Variants in PRRC2C observed in about 807,000 individuals in gnomAD.
The protein encoded by PRRC2C is proline rich coiled-coil 2C, also known as protein PRRC2C.
Under a neutral mutation model 317.2 loss-of-function variants are expected in PRRC2C, and 72 were observed. The ratio of observed to expected loss-of-function variants is 0.23; its 90% CI spans 0.19 to 0.28. The LOEUF (loss-of-function observed/expected upper bound fraction) is 0.28. Ranked by LOEUF, PRRC2C falls within the 10% of genes least tolerant of loss-of-function variation. The probability of loss-of-function intolerance (pLI) is 1.00; values close to 1 mark genes in which losing one functional copy is unlikely to be tolerated. For synonymous variants in PRRC2C, 1,296 were observed against 1,205.9 expected, an observed-to-expected ratio of 1.07 and a Z score of -1.55; for missense variants, 3,074 against 3,459.7, an observed-to-expected ratio of 0.89 and a Z score of 2.80.
chr1:171,571,931 A>AT (rs1213817815), intron 24 of PRRC2C, among the ~76,000 whole-genome samples: 4 of 151,756 alleles, frequency 2.6e-5, no homozygotes, highest in Admixed American at 1.3e-4. Context: ...TTTTCAGTTG[A>AT]TTTTTTTTGG....
rs1232181461 is a variant in PRRC2C at position 171,545,627 on chromosome 1, C to T, written c.4912C>T (p.Pro1638Ser). ...GKKREDPKPGPKKPKEKVDAL... is the reference protein window; with the variant it reads ...GKKREDPKPGSKKPKEKVDAL... Reference sequence around the variant, plus strand: ...AAAAAGAGAAGACCCCAAACCAGGCCCTAAAAAACCAAAAGAGAAAGTGGA... The same window carrying T: ...AAAAAGAGAAGACCCCAAACCAGGCTCTAAAAAACCAAAAGAGAAAGTGGA... The change falls in exon 17 of 35, where the codon CCT becomes TCT. Residue 1638 changes from proline to serine, a missense_variant. Physicochemically the swap from Pro to Ser is moderately conservative, Grantham distance 74 (BLOSUM62 -1). Transcript: ENST00000647382. The T allele has an allele frequency of 1.2e-6, 2 of 1,612,772 alleles. No homozygotes were observed. The highest frequency in any genetic ancestry group is 8.5e-7 in the Non-Finnish European group (1 of 1,179,470).
At chr1:171,545,709 T>TTGTA (rs1553230011) in intron 17 of PRRC2C, 22 bp downstream of exon 17, 7 of 804,904 alleles carry the variant, frequency 8.7e-6, no homozygotes, top group Non-Finnish European at 1.2e-5. Context: ...GTTTCTTTCA[T>TTGTA]TTTATTTATT....
At chr1:171,515,353 G>A (rs1672169347) in intron 4 of PRRC2C, among the ~76,000 whole-genome samples, 1 of 152,118 alleles carries the variant, frequency 6.6e-6, no homozygotes, top group African/African-American at 2.4e-5. Flanking sequence ...TTGATCTTGG[G>A]GTCTTTATTC....
intron 12 of PRRC2C, among the ~76,000 whole-genome samples, chr1:171,534,361 G>C (rs1310138595): frequency 1.3e-5 from 2 of 152,078 alleles, no homozygotes; most frequent in Non-Finnish European, 2.9e-5. Flanking sequence ...CATTATCATA[G>C]TTTAATAAGT....
At position 171,532,553 on chromosome 1, in the gene PRRC2C, C is replaced by A. The variant is rs771141668; in HGVS notation, c.1465C>A (p.Arg489=). 4.4e-6 allele frequency: 7 copies of A among 1,584,918 alleles called. No homozygotes were observed. The African/African-American group carries it at 9.4e-5, about 21-fold the overall frequency. The change falls in exon 12 of 35, where the codon CGA becomes AGA. Residue 489 remains arginine (R), a synonymous_variant. Coordinates refer to ENST00000647382, the MANE Select transcript of PRRC2C (RefSeq NM_001387844.1). ...GGCAGCTTGTGCGGAGAAACTGAAA[C>A]GATTGGATGAGAAGCTTGGCATCCT... The part of the protein sequence containing the change: ...RKAACAEKLK[R]LDEKLGILEK...
At chr1:171,517,307 T>C (rs960610342) in intron 5 of PRRC2C, among the ~76,000 whole-genome samples, 9 of 152,166 alleles carry the variant, frequency 5.9e-5, no homozygotes, top group Admixed American at 2.0e-4. Flanking sequence ...AACAGTGATT[T>C]TAATTTCTAT....
chr1:171,558,375 G>GT (rs929241446), intron 19 of PRRC2C, among the ~76,000 whole-genome samples: 3 of 50,664 alleles, frequency 5.9e-5, no homozygotes, highest in African/African-American at 2.1e-4. Flanking sequence ...AATAGGCAAT[G>GT]TTTGGGGGGG....
At chr1:171,569,396 CACTT>C (rs1684288383) in intron 23 of PRRC2C, among the ~76,000 whole-genome samples, 1 of 150,838 alleles carries the variant, frequency 6.6e-6, no homozygotes, top group Non-Finnish European at 1.5e-5. Flanking sequence ...CATTAGGGGT[CACTT>C]AATCCAATTT....
Position 171,541,538 on chromosome 1 carries a change from G to A in PRRC2C, c.4072G>A (p.Gly1358Arg), listed in dbSNP as rs1232193545. 6.2e-7 allele frequency: 1 copy of A among 1,613,560 alleles called. No homozygotes were observed. Among genetic ancestry groups the A allele is most frequent in the Non-Finnish European group, 8.5e-7 (1 of 1,179,770 alleles). ...ATTCAGGCGTGGTGGAAGGGATCCT[G>A]GAGGCCGTCCATCACGCCCTTCCAC... ...GTFRRGGRDP[G>R]GRPSRPSTLR... The change falls in exon 16 of 35, where the codon GGA (glycine) becomes AGA (arginine). Residue 1358 changes from glycine (G) to arginine (R), a missense_variant. Physicochemically the swap from Gly to Arg is moderately radical, Grantham distance 125. Around this residue, in one of 11 missense-constraint regions of PRRC2C, gnomAD observed 1,320 missense variants for 1,395.7 expected, o/e 0.95. Transcript: ENST00000647382. This position sits in a 1 kb window ranked among gnomAD's most constrained non-coding sequence, Gnocchi z 4.1.
chr1:171,503,990 C>T lies in PRRC2C; in HGVS notation c.-57-8042C>T, dbSNP rs148128659. On this transcript the variant is annotated intron_variant, in intron 1 of 34. Coordinates refer to ENST00000647382, the MANE Select transcript of PRRC2C (RefSeq NM_001387844.1). ...TCCCCATGATTCAGTTACCTTCCACCGAGTCCCTCCCATGACATGTGGGAA... is the reference window on the plus strand; with the variant it reads ...TCCCCATGATTCAGTTACCTTCCACTGAGTCCCTCCCATGACATGTGGGAA... Among the ~76,000 whole-genome samples the T allele has an allele frequency of 2.6e-4, 40 of 152,266 alleles. No homozygotes were observed. The East Asian group carries it at 6.0e-3, about 23-fold the overall frequency.
chr1:171,545,064 A>C (rs1193847637), intron 16 of PRRC2C, among the ~76,000 whole-genome samples: 1 of 152,180 alleles, frequency 6.6e-6, no homozygotes, highest in East Asian at 1.9e-4. Flanking sequence ...CATAGTTGTA[A>C]ATATAGAATG....
At chr1:171,518,390 G>A (rs1176461412) in intron 6 of PRRC2C, among the ~76,000 whole-genome samples, 4 of 149,748 alleles carry the variant, frequency 2.7e-5, no homozygotes, top group Non-Finnish European at 5.9e-5. Flanking sequence ...GACTGCCAAA[G>A]GGGTGGTTCA....
chr1:171,515,715 T>G lies in PRRC2C; in HGVS notation c.401-19T>G. ...CAGTATAAAAGTTACCTTTAATGTTTTTTTAAAAAAATCTATAGGAATCCA... is the reference window on the plus strand; with the variant it reads ...CAGTATAAAAGTTACCTTTAATGTTGTTTTAAAAAAATCTATAGGAATCCA... On this transcript the variant is annotated intron_variant, in intron 4 of 34. Coordinates refer to ENST00000647382, the MANE Select transcript of PRRC2C (RefSeq NM_001387844.1). The G allele has an allele frequency of 6.4e-7, 1 of 1,564,458 alleles. No individual in the cohort carries two copies. The highest frequency in any genetic ancestry group is 8.7e-7 in the Non-Finnish European group (1 of 1,155,138).
intron 18 of PRRC2C, among the ~76,000 whole-genome samples, chr1:171,553,989 G>T (rs1680835918): frequency 6.6e-6 from 1 of 152,176 alleles, no homozygotes; most frequent in Admixed American, 6.5e-5. Context: ...AGGTCTGCTT[G>T]TTGCAGAGCT....
At position 171,558,142 on chromosome 1, in the gene PRRC2C, A is replaced by G. The variant is rs1207318105; in HGVS notation, c.6030A>G (p.Lys2010=). 1.2e-6 allele frequency: 2 copies of G among 1,606,918 alleles called. No individual in the cohort carries two copies. Among genetic ancestry groups the G allele is most frequent in the East Asian group, 4.5e-5 (2 of 44,812 alleles). The change falls in exon 19 of 35, where the codon AAA becomes AAG. Residue 2010 remains lysine, a splice_region_variant and synonymous_variant. Transcript: ENST00000647382. ...PPAVLNDISK[K]LGPISPPQPP... ...CTGTGCTGAATGATATCTCTAAGAA[A>G]TGTAAGTTGCAAAAGAGAAGTGAGG... is the stretch of plus-strand genomic sequence containing the variant.
At chr1:171,511,239 A>C (rs993737135) in intron 1 of PRRC2C, 6 of 152,168 alleles carry the variant, frequency 3.9e-5, no homozygotes, top group Admixed American at 1.3e-4. Flanking sequence ...TGTATCTACA[A>C]CTTAATTAAA....
chr1:171,562,023 A>C (rs1246536850), intron 20 of PRRC2C, among the ~76,000 whole-genome samples: 1 of 152,238 alleles, frequency 6.6e-6, no homozygotes, highest in Non-Finnish European at 1.5e-5. Context: ...CATCGTGATC[A>C]GCACTGTGGA....
intron 1 of PRRC2C, among the ~76,000 whole-genome samples, chr1:171,487,851 G>T (rs1024426325): frequency 6.6e-6 from 1 of 152,142 alleles, no homozygotes; most frequent in Non-Finnish European, 1.5e-5. Flanking sequence ...TCAGGGTGAT[G>T]TATATATTTC....
chr1:171,572,354 C>A (rs1684917152), intron 24 of PRRC2C, among the ~76,000 whole-genome samples: 1 of 152,080 alleles, frequency 6.6e-6, no homozygotes, highest in African/African-American at 2.4e-5. Flanking sequence ...CAGGGAAGTT[C>A]TTAATCTCTA....
Sources: allele counts gnomAD v4.1 joint callset (sites outside exome capture counted in the v4.1 genomes callset), GRCh38; gene constraint gnomAD v4.1.1; regional missense constraint gnomAD v4.1.1; non-coding constraint Gnocchi (gnomAD v3.1); transcripts MANE v1.5; gene names NCBI Gene and HGNC (gene_info 2026-07-23, HGNC 2026-07-21).